THBS2: variants seen among roughly 807,000 people sequenced by gnomAD.
THBS2 encodes thrombospondin-2.
In THBS2, 47 loss-of-function variants were observed where a neutral mutation model predicts 135.2. The ratio of observed to expected loss-of-function variants is 0.35; its 90% CI spans 0.28 to 0.44. The LOEUF (loss-of-function observed/expected upper bound fraction) is 0.44. Among genes scored for constraint, THBS2 ranks in the 20% least tolerant of loss-of-function variants. The pLI is 1.00. For synonymous variants in THBS2, 639 were observed against 633.8 expected, an observed-to-expected ratio of 1.01 and a Z score of -0.12; for missense variants, 1,288 against 1,603.1, an observed-to-expected ratio of 0.80 and a Z score of 3.36.
chr6:169,247,771 G>C (rs1270719362), intron 3 of THBS2, among the ~76,000 whole-genome samples: 6 of 151,826 alleles, frequency 4.0e-5, no homozygotes, highest in Non-Finnish European at 8.8e-5. Flanking sequence ...TGGTGTGTGT[G>C]CATGTGTGGT....
chr6:169,244,164 G>GTTTTT (rs34458367), intron 4 of THBS2, among the ~76,000 whole-genome samples: 70 of 120,302 alleles, frequency 5.8e-4, no homozygotes, highest in Non-Finnish European at 9.1e-4. Context: ...ATTTCTCTGT[G>GTTTTT]TTTTTTTTTT....
At chr6:169,218,781 A>ATGAG (rs1779298125) in intron 21 of THBS2, among the ~76,000 whole-genome samples, 1 of 88,474 alleles carries the variant, frequency 1.1e-5, no homozygotes, top group Non-Finnish European at 2.2e-5. Flanking sequence ...GGATGGAGGG[A>ATGAG]TGAGTGGGTT....
chr6:169,222,330 T>G lies in THBS2; in HGVS notation c.3140A>C (p.Gln1047Pro). ...CGTGGGCTGGTCCTCCCAGTAGGTC[T>G]GCGTCACCTGCTTCCACATCACCAC... Reference protein sequence around the residue: ...FYVVMWKQVTQTYWEDQPTRA... With the variant: ...FYVVMWKQVTPTYWEDQPTRA... The change falls in exon 19 of 22, where the codon CAG becomes CCG. Residue 1047 changes from glutamine to proline, a missense_variant. Gln to Pro is a moderately conservative substitution (Grantham distance 76). Coordinates refer to ENST00000617924, the MANE Select transcript of THBS2 (RefSeq NM_003247.5). The G allele has an allele frequency of 6.2e-7, 1 of 1,613,638 alleles. No homozygotes were observed. The highest frequency in any genetic ancestry group is 8.5e-7 in the Non-Finnish European group (1 of 1,180,036).
intron 14 of THBS2, among the ~76,000 whole-genome samples, chr6:169,229,185 A>G (rs1337089251): frequency 2.0e-5 from 3 of 152,260 alleles, no homozygotes; most frequent in Non-Finnish European, 2.9e-5. Flanking sequence ...ACATTAAACC[A>G]TTTGTGTTTG....
chr6:169,235,970 A>G (rs1233603347), intron 9 of THBS2, among the ~76,000 whole-genome samples: 1 of 31,770 alleles, frequency 3.1e-5, no homozygotes, highest in African/African-American at 1.4e-4. Context: ...TCACTCCCCC[A>G]TCCACACTCA....
In THBS2 at chr6:169,241,970, C is replaced by T. The variant is rs749966690; in HGVS notation, c.695-12G>A. On this transcript the variant is annotated splice_polypyrimidine_tract_variant and intron_variant, in intron 4 of 21. Coordinates refer to ENST00000617924, the MANE Select transcript of THBS2 (RefSeq NM_003247.5). This position sits in a 1 kb window ranked among gnomAD's most constrained non-coding sequence, Gnocchi z 5.5. ...GGCGTTGATCTCAGCTGAGGGCAAGCGTAGAAGGGCCGTGAGCATCACAGA... is the reference window on the plus strand; with the variant it reads ...GGCGTTGATCTCAGCTGAGGGCAAGTGTAGAAGGGCCGTGAGCATCACAGA... The T allele has an allele frequency of 1.1e-5, 17 of 1,598,078 alleles. No homozygotes were observed. The African/African-American group carries it at 1.1e-4, about 10-fold the overall frequency.
intron 4 of THBS2, among the ~76,000 whole-genome samples, chr6:169,242,653 TCCCACCTTCCCACCACTCCC>T: frequency 4.7e-5 from 1 of 21,204 alleles, no homozygotes; most frequent in Non-Finnish European, 9.2e-5. Context: ...TTCCCACCAC[TCCCACCTTCCCACCACTCCC>T]ACCTTCCCAC....
chr6:169,242,249 G>C (rs1045383576), intron 4 of THBS2, among the ~76,000 whole-genome samples: 3 of 152,100 alleles, frequency 2.0e-5, no homozygotes, highest in Non-Finnish European at 2.9e-5. Flanking sequence ...AATTAGCTCA[G>C]GAGTGGGGAG....
chr6:169,233,111 T>G, intron 10 of THBS2, 94 bp from the exon 11 acceptor site: 1 of 1,414,580 alleles, frequency 7.1e-7, no homozygotes, highest in Non-Finnish European at 9.2e-7. Context: ...CTGGGATGTC[T>G]TTGTCATCGA....
In THBS2 at chr6:169,228,136, T is replaced by C; in HGVS notation, c.2405A>G (p.Asp802Gly). ...NNGEGDACSV[D>G]IDGDDVFNER... is the part of the protein sequence containing the mutation. ...GAAGCACCCACCGTCCCCATCAATGTCCACGGAGCAGGCGTCACCCTCTCC... is the reference window on the plus strand; with the variant it reads ...GAAGCACCCACCGTCCCCATCAATGCCCACGGAGCAGGCGTCACCCTCTCC... Residue 802 changes from aspartate (D) to glycine (G), a missense_variant, in exon 15 of 22, where the codon GAC (aspartate) becomes GGC (glycine). Asp to Gly is a moderately conservative substitution (Grantham distance 94). Transcript: ENST00000617924. The C allele has an allele frequency of 6.2e-7, 1 of 1,612,480 alleles. No homozygotes were observed. The highest frequency in any genetic ancestry group is 1.1e-5 in the South Asian group (1 of 90,850).
chr6:169,243,548 G>A (rs898999109), intron 4 of THBS2, among the ~76,000 whole-genome samples: 2 of 152,204 alleles, frequency 1.3e-5, no homozygotes, highest in African/African-American at 4.8e-5. Context: ...GTTATAAACT[G>A]TGCTGCAATT....
At chr6:169,245,522 G>T (rs1041492330) in intron 4 of THBS2, among the ~76,000 whole-genome samples, 1 of 152,104 alleles carries the variant, frequency 6.6e-6, no homozygotes, top group East Asian at 1.9e-4. Context: ...GCCGGGCGTG[G>T]TGGCTCACAC....
At chr6:169,251,379 T>C (rs1228231928) in intron 1 of THBS2, among the ~76,000 whole-genome samples, 1 of 152,254 alleles carries the variant, frequency 6.6e-6, no homozygotes, top group Non-Finnish European at 1.5e-5. Context: ...AACAGAACAC[T>C]TGACTTAGCC....
rs146981013 is a variant in THBS2, at chr6:169,241,885, G to T, written c.768C>A (p.Gly256=). Residue 256 remains glycine, a synonymous_variant, in exon 5 of 22, where the codon GGC becomes GGA. Transcript: ENST00000617924. The surrounding 1 kb of genome is among the most constrained non-coding windows in gnomAD (Gnocchi z 5.5). The stretch of plus-strand genomic sequence containing the variant: ...CCTCGGGCCTCCTCTCCGAGCTGGG[G>T]CCCACGTACTCGGTGGTGACATGCG... The part of the protein sequence containing the change: ...LGPHVTTEYV[G]PSSERRPEVC... 7.9e-5 allele frequency: 128 copies of T among 1,612,086 alleles called. 1 individual carries two copies. Among genetic ancestry groups the T allele is most frequent in the Non-Finnish European group, 1.0e-4 (120 of 1,179,954 alleles).
In THBS2 at chr6:169,233,147, G is replaced by A. The variant is rs1426311519; in HGVS notation, c.1652-130C>T. The A allele has an allele frequency of 4.6e-6, 6 of 1,313,512 alleles. No individual in the cohort carries two copies. In the East Asian group the frequency reaches 1.3e-4, roughly 28 times the overall value. The allele number at this position is 1,313,512 out of a possible 1,614,324, so 81.4% of individuals were successfully genotyped here. A position where few individuals can be genotyped will look rare whatever the true frequency, so the allele number is the denominator to read the frequency against. ...ATTGTGTAGTCAGGAACACTCTGGT[G>A]TGATTCTGGATGATCATCAAGAGGC... On this transcript the variant is annotated intron_variant, in intron 10 of 21. Transcript: ENST00000617924.
chr6:169,249,028 GC>G, intron 2 of THBS2, 55 bp from the exon 3 acceptor site: 1 of 1,522,524 alleles, frequency 6.6e-7, no homozygotes, highest in African/African-American at 1.4e-5. Context: ...GGCGAGGTTG[GC>G]CTGACCCAGG....
At chr6:169,239,326 A>T in intron 7 of THBS2, 1 of 501,966 alleles carries the variant, frequency 2.0e-6, no homozygotes, top group Non-Finnish European at 3.6e-6. Context: ...CTCTGGGCTC[A>T]CCTGCGTGAC....
chr6:169,216,448 A>C lies in THBS2; in HGVS notation c.*1374T>G, dbSNP rs913075273. ...AACCAACAAAAAAAACAAAAACAAA[A>C]ACAAACTTGTGCATATTACACATGA... On this transcript the variant is annotated 3_prime_UTR_variant, in exon 22 of 22. Transcript: ENST00000617924. The C allele has an allele frequency of 6.6e-6, 1 of 152,194 alleles. No individual in the cohort carries two copies. 9.4% of individuals were successfully genotyped at this position (152,194 alleles called of 1,614,324 possible).
intron 7 of THBS2, among the ~76,000 whole-genome samples, chr6:169,238,339 A>C (rs2115010893): frequency 6.6e-6 from 1 of 152,358 alleles, no homozygotes; most frequent in Non-Finnish European, 1.5e-5. Context: ...CACAGCCGCT[A>C]AATGGGGGGA....
Sources: gnomAD v4.1 joint callset for allele counts (sites outside exome capture counted in the v4.1 genomes callset) on GRCh38, gnomAD v4.1.1 for gene constraint, Gnocchi (gnomAD v3.1) non-coding constraint, MANE v1.5 for transcripts, NCBI Gene and HGNC (gene_info 2026-07-23, HGNC 2026-07-21) for gene names.